The following SMOC2 variants were observed in gnomAD, a reference collection of about 807,000 sequenced individuals.
SMOC2 encodes the protein SPARC-related modular calcium-binding protein 2.
In SMOC2, 39 loss-of-function variants were observed where a neutral mutation model predicts 61.4. The ratio of observed to expected loss-of-function variants is 0.64; its 90% CI spans 0.49 to 0.83. SMOC2 has a LOEUF of 0.83. Ranked by LOEUF, SMOC2 falls within the 40% of genes least tolerant of loss-of-function variation. SMOC2 has a pLI of 0.00. For missense variants in SMOC2, 556 were observed against 592.9 expected (o/e 0.94, Z 0.65); for synonymous variants, 247 against 239.9 (o/e 1.03, Z -0.27).
chr6:168,448,734 C>T (rs980164738), intron 1 of SMOC2, among the ~76,000 whole-genome samples: 1 of 152,048 alleles, frequency 6.6e-6, no homozygotes, highest in Non-Finnish European at 1.5e-5. Context: ...ATAAGCCTTG[C>T]GATACATATT....
At chr6:168,615,311 C>CGG (rs1786044578) in intron 9 of SMOC2, among the ~76,000 whole-genome samples, 1 of 63,576 alleles carries the variant, frequency 1.6e-5, no homozygotes, top group East Asian at 5.2e-4. Context: ...ACAGCCAGCA[C>CGG]GGGGCCTCTT....
Position 168,650,669 on chromosome 6 carries a change from C to T in SMOC2, c.908-12C>T, listed in dbSNP as rs746036010. The T allele has an allele frequency of 1.4e-5, 22 of 1,608,770 alleles. 1 individual carries two copies. Among genetic ancestry groups the T allele is most frequent in the African/African-American group, 6.7e-5 (5 of 74,818 alleles). ...TATGAGTTAATTATGAAAACATACA[C>T]GTGTTTTTCAGGTTGTCCGGGTGCC... On this transcript the variant is annotated splice_polypyrimidine_tract_variant and intron_variant, in intron 9 of 12. Coordinates refer to ENST00000356284, the MANE Select transcript of SMOC2 (RefSeq NM_001166412.2).
intron 4 of SMOC2, among the ~76,000 whole-genome samples, chr6:168,532,808 C>T (rs1245653152): frequency 1.3e-5 from 2 of 152,190 alleles, no homozygotes; most frequent in Admixed American, 6.5e-5. Context: ...TCTTGAGACC[C>T]CCAGCCTATC....
chr6:168,524,728 C>T (rs1273118890), intron 2 of SMOC2, among the ~76,000 whole-genome samples: 2 of 152,248 alleles, frequency 1.3e-5, no homozygotes, highest in African/African-American at 4.8e-5. Flanking sequence ...CCACATGTTG[C>T]TGAGTGCTGG....
At chr6:168,596,562 A>G (rs1033132588) in intron 7 of SMOC2, among the ~76,000 whole-genome samples, 9 of 152,244 alleles carry the variant, frequency 5.9e-5, no homozygotes, top group African/African-American at 2.2e-4. Flanking sequence ...CTGGAGAGGC[A>G]GTTTCCGCCA....
At chr6:168,621,558 A>G (rs1212828271) in intron 9 of SMOC2, among the ~76,000 whole-genome samples, 1 of 152,356 alleles carries the variant, frequency 6.6e-6, no homozygotes, top group Non-Finnish European at 1.5e-5. Context: ...GGGGTAATTT[A>G]TAAAGTTAAG....
intron 9 of SMOC2, among the ~76,000 whole-genome samples, chr6:168,647,151 G>T (rs1787054562): frequency 6.6e-6 from 1 of 152,172 alleles, no homozygotes; most frequent in Non-Finnish European, 1.5e-5. Context: ...TTCAATGGGT[G>T]GTTGGAGAAC....
chr6:168,501,927 A>G (rs1445660097), intron 1 of SMOC2, among the ~76,000 whole-genome samples: 2 of 152,126 alleles, frequency 1.3e-5, no homozygotes, highest in East Asian at 3.9e-4. Flanking sequence ...GGCTGCAGAT[A>G]CCTCACTCTG....
intron 7 of SMOC2, among the ~76,000 whole-genome samples, chr6:168,555,219 T>C (rs1208979126): frequency 1.3e-5 from 2 of 152,252 alleles, no homozygotes; most frequent in Non-Finnish European, 1.5e-5. Flanking sequence ...GGGATGAGAC[T>C]AAGTGCTTAA....
intron 7 of SMOC2, among the ~76,000 whole-genome samples, chr6:168,596,274 G>T (rs939072255): frequency 7.3e-6 from 1 of 136,600 alleles, no homozygotes; most frequent in Non-Finnish European, 1.7e-5. Context: ...GAATGAACAG[G>T]TGCCATGTGA....
intron 8 of SMOC2, among the ~76,000 whole-genome samples, chr6:168,599,508 TCACA>T (rs140540390): frequency 3.3e-4 from 18 of 54,596 alleles, no homozygotes; most frequent in African/African-American, 9.6e-4. Context: ...CCACTGACAC[TCACA>T]CACACACTCA....
intron 7 of SMOC2, among the ~76,000 whole-genome samples, chr6:168,559,764 C>T (rs576928572): frequency 4.5e-4 from 68 of 152,218 alleles, no homozygotes; most frequent in South Asian, 1.9e-3. Flanking sequence ...CGATTTATCT[C>T]GGGTGACTAG....
chr6:168,566,009 T>C (rs1285205214), intron 7 of SMOC2, among the ~76,000 whole-genome samples: 1 of 152,222 alleles, frequency 6.6e-6, no homozygotes, highest in African/African-American at 2.4e-5. Context: ...GCCACAGATA[T>C]TTTATATAAA....
chr6:168,604,533 C>A (rs930388032), intron 8 of SMOC2, among the ~76,000 whole-genome samples: 7 of 152,106 alleles, frequency 4.6e-5, no homozygotes, highest in Admixed American at 3.9e-4. Flanking sequence ...TCCCTCAGCG[C>A]AATTTTCTTA....
At chr6:168,645,758 C>T (rs1004935326) in intron 9 of SMOC2, among the ~76,000 whole-genome samples, 3 of 152,162 alleles carry the variant, frequency 2.0e-5, no homozygotes, top group Non-Finnish European at 2.9e-5. Context: ...ACCACGCAGG[C>T]CCCCAATGGG....
intron 2 of SMOC2, among the ~76,000 whole-genome samples, chr6:168,517,457 C>T (rs533121383): frequency 6.6e-6 from 1 of 152,358 alleles, no homozygotes; most frequent in South Asian, 2.1e-4. Flanking sequence ...GGTCGAGGTG[C>T]AGCTCCTTCC....
At chr6:168,530,648 C>G (rs1041650194) in intron 4 of SMOC2, among the ~76,000 whole-genome samples, 1 of 142,594 alleles carries the variant, frequency 7.0e-6, no homozygotes, top group African/African-American at 2.6e-5. Flanking sequence ...CCCCCCCCCC[C>G]CCGCCCCCAC....
chr6:168,615,644 T>C (rs77507170), intron 9 of SMOC2, among the ~76,000 whole-genome samples: 458 of 13,774 alleles, frequency 0.033, no homozygotes, highest in South Asian at 0.045. Context: ...GGCCTCTTCA[T>C]ACCTACAGCC....
In SMOC2 at chr6:168,543,664, G is replaced by GA. The variant is rs1201932061; in HGVS notation, c.508dup (p.Thr170AsnfsTer3). 2 of 1,613,216 alleles carry GA rather than the reference G, an allele frequency of 1.2e-6. No homozygotes were observed. ...AAGTTACCCCAACGCGAAGGCACAGGAAAAACAGGTAACTATCTTAGAATA... is the reference window on the plus strand; with the variant it reads ...AAGTTACCCCAACGCGAAGGCACAGGAAAAAACAGGTAACTATCTTAGAATA... On this transcript the variant is annotated frameshift_variant, in exon 5 of 13. Coordinates refer to ENST00000356284, the MANE Select transcript of SMOC2 (RefSeq NM_001166412.2). LOFTEE classifies it high-confidence loss of function.
Sources: gnomAD v4.1 joint callset for allele counts (sites outside exome capture counted in the v4.1 genomes callset) on GRCh38, gnomAD v4.1.1 for gene constraint, MANE v1.5 for transcripts, NCBI Gene and HGNC (gene_info 2026-07-23, HGNC 2026-07-21) for gene names.